The following PTPRK variants were observed in gnomAD, a reference collection of about 807,000 sequenced individuals.
The protein encoded by PTPRK is receptor-type tyrosine-protein phosphatase kappa.
A neutral mutation model predicts 178.0 loss-of-function variants in PTPRK; 75 were observed. That is an observed-to-expected ratio of 0.42 (90% CI 0.35 to 0.51). The LOEUF is 0.51. Ranked by LOEUF, PTPRK falls within the 20% of genes least tolerant of loss-of-function variation. The pLI, the probability that PTPRK is intolerant of heterozygous loss-of-function variation, is 0.02. For missense variants in PTPRK, 1,441 were observed against 1,797.8 expected, an observed-to-expected ratio of 0.80 and a Z score of 3.59; for synonymous variants, 637 against 620.6, an observed-to-expected ratio of 1.03 and a Z score of -0.39.
intron 13 of PTPRK, among the ~76,000 whole-genome samples, chr6:128,010,811 C>G (rs565065748): frequency 2.0e-4 from 30 of 151,148 alleles, no homozygotes; most frequent in Admixed American, 3.3e-4. Flanking sequence ...CTATTATTCT[C>G]AAGCAGAAAA....
intron 2 of PTPRK, among the ~76,000 whole-genome samples, chr6:128,327,153 A>G (rs1829690420): frequency 6.6e-6 from 1 of 152,124 alleles, no homozygotes; most frequent in Non-Finnish European, 1.5e-5. Flanking sequence ...GTAATGCCCT[A>G]TGGATTTTAT....
At chr6:128,451,246 A>G (rs7739095) in intron 1 of PTPRK, among the ~76,000 whole-genome samples, 2,247 of 152,304 alleles carry the variant, frequency 0.015, 63 homozygotes, top group African/African-American at 0.05. Context: ...ATATTTTCCA[A>G]TTGACCAATA....
chr6:128,121,040 C>T (rs1792374277), intron 7 of PTPRK, among the ~76,000 whole-genome samples: 1 of 150,292 alleles, frequency 6.7e-6, no homozygotes, highest in South Asian at 2.1e-4. Context: ...TGAGTAATAA[C>T]TATTATTCAG....
chr6:128,183,449 T>C (rs552936993), intron 7 of PTPRK, among the ~76,000 whole-genome samples: 2 of 152,330 alleles, frequency 1.3e-5, no homozygotes, highest in South Asian at 4.1e-4. Flanking sequence ...CATCTAAGTC[T>C]CAGGCTAATA....
intron 1 of PTPRK, among the ~76,000 whole-genome samples, chr6:128,464,620 CATATATATATATATACACATATAT>C (rs1484183600): frequency 3.4e-5 from 3 of 88,820 alleles, no homozygotes; most frequent in South Asian, 8.2e-4. Flanking sequence ...TATACATATA[CATATATATATATATACACATATAT>C]ATATATATAT....
intron 3 of PTPRK, among the ~76,000 whole-genome samples, chr6:128,281,660 G>C (rs1222184934): frequency 6.6e-6 from 1 of 152,020 alleles, no homozygotes; most frequent in Non-Finnish European, 1.5e-5. Context: ...TCGGTGATTA[G>C]AGAACTTCCT....
At chr6:128,198,547 A>C (rs979061033) in intron 6 of PTPRK, among the ~76,000 whole-genome samples, 5 of 152,154 alleles carry the variant, frequency 3.3e-5, no homozygotes, top group Non-Finnish European at 5.9e-5. Context: ...GGGTGCAGCA[A>C]ACCACCATGG....
intron 3 of PTPRK, among the ~76,000 whole-genome samples, chr6:128,284,609 C>T (rs920922755): frequency 6.6e-6 from 1 of 152,142 alleles, no homozygotes; most frequent in Non-Finnish European, 1.5e-5. Context: ...GTTTGGAAGA[C>T]AAAAACAAGA....
chr6:128,049,083 AC>A, intron 13 of PTPRK, among the ~76,000 whole-genome samples: 1 of 152,236 alleles, frequency 6.6e-6, no homozygotes, highest in South Asian at 2.1e-4. Flanking sequence ...ATTAAAAAAA[AC>A]CTCTTTCACC....
At chr6:128,453,043 C>T (rs1847980354) in intron 1 of PTPRK, among the ~76,000 whole-genome samples, 1 of 152,164 alleles carries the variant, frequency 6.6e-6, no homozygotes, top group African/African-American at 2.4e-5. Flanking sequence ...CGATTAAATG[C>T]TATCATGAAG....
intron 7 of PTPRK, among the ~76,000 whole-genome samples, chr6:128,165,652 A>G (rs1044853194): frequency 1.3e-5 from 2 of 151,326 alleles, no homozygotes; most frequent in Middle Eastern, 3.2e-3. Flanking sequence ...CACAATTAGG[A>G]AAGTAAAATT....
intron 13 of PTPRK, chr6:128,062,782 G>A (rs1470309071): frequency 6.6e-6 from 1 of 152,558 alleles, no homozygotes; most frequent in Middle Eastern, 3.4e-3. Flanking sequence ...GGGCTTAAGC[G>A]ATGCTCTCGC....
intron 1 of PTPRK, among the ~76,000 whole-genome samples, chr6:128,413,151 A>C (rs72974060): frequency 0.055 from 8,333 of 152,256 alleles, 275 homozygotes; most frequent in Non-Finnish European, 0.069. Flanking sequence ...CCGCCTACAT[A>C]TCCCTAAAGC....
intron 3 of PTPRK, among the ~76,000 whole-genome samples, chr6:128,262,707 T>C (rs944623097): frequency 7.2e-5 from 11 of 152,116 alleles, no homozygotes; most frequent in African/African-American, 2.7e-4. Context: ...TACCTTTCTG[T>C]TTAATGTGAT....
At chr6:128,223,170 T>C (rs1332178597) in intron 5 of PTPRK, among the ~76,000 whole-genome samples, 2 of 151,912 alleles carry the variant, frequency 1.3e-5, no homozygotes, top group African/African-American at 2.4e-5. Context: ...TATTTTTTCC[T>C]CCATAATATT....
chr6:128,097,968 G>A (rs1788175961), intron 7 of PTPRK, among the ~76,000 whole-genome samples: 1 of 152,046 alleles, frequency 6.6e-6, no homozygotes, highest in Admixed American at 6.6e-5. Context: ...CTTTAGAGGA[G>A]CTGTACATAG....
rs149331989 is a variant in PTPRK at position 128,192,599 on chromosome 6, C to T, written c.869-7874G>A. Among the ~76,000 whole-genome samples the T allele has an allele frequency of 5.8e-4, 88 of 152,096 alleles. 3 individuals carry two copies. The East Asian group carries it at 0.016, about 27-fold the overall frequency. The stretch of plus-strand genomic sequence containing the variant: ...TTTTAGGAGGCTGAGGAAGGCAAAT[C>T]GCTCGAGCCCAGGAGTTTGAGACCA... On this transcript the variant is annotated intron_variant, in intron 6 of 29. Transcript: ENST00000368226.
chr6:128,376,671 C>G (rs1485338155), intron 2 of PTPRK, among the ~76,000 whole-genome samples: 1 of 152,178 alleles, frequency 6.6e-6, no homozygotes, highest in African/African-American at 2.4e-5. Flanking sequence ...ATCACATTGT[C>G]AGGCTGCAAA....
intron 5 of PTPRK, chr6:128,230,700 G>A (rs902358199): frequency 3.3e-5 from 5 of 152,154 alleles, no homozygotes; most frequent in Non-Finnish European, 5.9e-5. Context: ...GGAGCTCAAT[G>A]GGAAAGTTAC....
Sources: allele counts gnomAD v4.1 joint callset (sites outside exome capture counted in the v4.1 genomes callset), GRCh38; gene constraint gnomAD v4.1.1; transcripts MANE v1.5; gene names NCBI Gene and HGNC (gene_info 2026-07-23, HGNC 2026-07-21).